Variants in NUP155 observed in about 807,000 individuals in gnomAD.
The protein encoded by NUP155 is nuclear pore complex protein Nup155.
In NUP155, 71 loss-of-function variants were observed where a neutral mutation model predicts 180.4. That is an observed-to-expected ratio of 0.39 (90% CI 0.33 to 0.48). NUP155 has a LOEUF of 0.48. Among genes scored for constraint, NUP155 ranks in the 20% least tolerant of loss-of-function variants. The pLI, the probability that NUP155 is intolerant of heterozygous loss-of-function variation, is 0.91. For missense variants in NUP155, 1,553 were observed against 1,648.9 expected (o/e 0.94, Z 1.01); for synonymous variants, 582 against 559.5 (o/e 1.04, Z -0.57).
At chr5:37,345,656 A>C (rs1746033367) in intron 9 of NUP155, among the ~76,000 whole-genome samples, 1 of 151,960 alleles carries the variant, frequency 6.6e-6, no homozygotes, top group South Asian at 2.1e-4. Flanking sequence ...TGTAATCACA[A>C]CACTTTGGGA....
At chr5:37,303,720 C>G (rs1742988287) in intron 27 of NUP155, among the ~76,000 whole-genome samples, 2 of 152,074 alleles carry the variant, frequency 1.3e-5, no homozygotes. Context: ...CCGAGGTGGG[C>G]AGATCATGTG....
chr5:37,308,483 G>A (rs532123213), intron 24 of NUP155, among the ~76,000 whole-genome samples: 7 of 152,196 alleles, frequency 4.6e-5, no homozygotes, highest in African/African-American at 1.7e-4. Context: ...TGGATCATGA[G>A]GTCAGGAGAT....
chr5:37,363,625 G>A (rs1031068994), intron 3 of NUP155, among the ~76,000 whole-genome samples: 1 of 152,076 alleles, frequency 6.6e-6, no homozygotes, highest in Non-Finnish European at 1.5e-5. Context: ...CTTGGGACCC[G>A]GGCTCCTGCC....
chr5:37,361,499 T>C (rs1747220822), intron 3 of NUP155, among the ~76,000 whole-genome samples: 2 of 152,138 alleles, frequency 1.3e-5, no homozygotes. Context: ...AATAGCTAAA[T>C]GGCAACTTAT....
At chr5:37,305,958 C>T (rs925801997) in intron 25 of NUP155, among the ~76,000 whole-genome samples, 2 of 151,920 alleles carry the variant, frequency 1.3e-5, no homozygotes. Flanking sequence ...TAAGTATATA[C>T]AAGGATTTCA....
Position 37,290,588 on chromosome 5 carries a change from A to G in NUP155, c.*1312T>C, listed in dbSNP as rs1742192578. The G allele has an allele frequency of 6.6e-6, 1 of 151,900 alleles. No homozygotes were observed. The highest frequency in any genetic ancestry group is 6.6e-5 in the Admixed American group (1 of 15,240). The allele number at this position is 151,900 out of a possible 1,614,324, so 9.4% of individuals were successfully genotyped here. A position where few individuals can be genotyped will look rare whatever the true frequency, so the allele number is the denominator to read the frequency against. Reference sequence around the variant, plus strand: ...TTGAAGCATTTGGTTTGGTTATTCTATTTTGTTAAGGAATAATTAAAAAGT... The same window carrying G: ...TTGAAGCATTTGGTTTGGTTATTCTGTTTTGTTAAGGAATAATTAAAAAGT... On this transcript the variant is annotated 3_prime_UTR_variant, in exon 35 of 35. Coordinates refer to ENST00000231498, the MANE Select transcript of NUP155 (RefSeq NM_153485.3).
intron 32 of NUP155, 91 bp from the exon 33 acceptor site, chr5:37,294,556 GA>G (rs1401369716): frequency 2.2e-5 from 28 of 1,269,338 alleles, no homozygotes; most frequent in Non-Finnish European, 2.9e-5. Flanking sequence ...TTTCTAGGGG[GA>G]TATCTTCTGA....
At chr5:37,296,797 C>T (rs1267905630) in intron 32 of NUP155, among the ~76,000 whole-genome samples, 1 of 151,986 alleles carries the variant, frequency 6.6e-6, no homozygotes, top group African/African-American at 2.4e-5. Flanking sequence ...TTTTTAATGC[C>T]CCACCCCTAG....
chr5:37,299,328 A>T, intron 31 of NUP155, 120 bp downstream of exon 31: 1 of 1,175,772 alleles, frequency 8.5e-7, no homozygotes, highest in Non-Finnish European at 1.3e-6. Flanking sequence ...CTCTCTTCTT[A>T]GGTATACACA....
intron 13 of NUP155, among the ~76,000 whole-genome samples, chr5:37,332,829 C>A (rs1042718200): frequency 6.6e-6 from 1 of 152,016 alleles, no homozygotes; most frequent in African/African-American, 2.4e-5. Context: ...TGGTGGCAAA[C>A]GCCTGTATTC....
intron 27 of NUP155, among the ~76,000 whole-genome samples, chr5:37,303,998 AGC>A (rs1743007570): frequency 6.7e-6 from 1 of 148,520 alleles, no homozygotes; most frequent in African/African-American, 2.5e-5. Flanking sequence ...CTGTAATCCC[AGC>A]ACTTCGGGAA....
chr5:37,331,438 C>T (rs1054360566), intron 14 of NUP155, among the ~76,000 whole-genome samples: 1 of 151,746 alleles, frequency 6.6e-6, no homozygotes, highest in African/African-American at 2.4e-5. Flanking sequence ...GTTGGGAGTG[C>T]TGGCACATGC....
rs1746252926 is a variant in NUP155 at position 37,348,551 on chromosome 5, A to G, written c.949T>C (p.Ser317Pro). Residue 317 changes from serine (S) to proline (P), a missense_variant, in exon 9 of 35, where the codon TCT becomes CCT. Ser to Pro is a moderately conservative substitution (Grantham distance 74). Coordinates refer to ENST00000231498, the MANE Select transcript of NUP155 (RefSeq NM_153485.3). ...GAGACAATGGCATTCTGTGACACAG[A>G]GGCAACTCTGCTCATTCCTTGTCCA... Reference protein sequence around the residue: ...QDGQGMSRVASVSQNAIVSAA... With the variant: ...QDGQGMSRVAPVSQNAIVSAA... The G allele has an allele frequency of 6.2e-7, 1 of 1,613,134 alleles. No individual in the cohort carries two copies. The highest frequency in any genetic ancestry group is 8.5e-7 in the Non-Finnish European group (1 of 1,179,058).
rs1426813043 is a variant in NUP155, at chr5:37,290,134, A to C, written c.*1766T>G. 1 of 152,206 alleles carries C rather than the reference A, an allele frequency of 6.6e-6. No homozygotes were observed. 9.4% of individuals were successfully genotyped at this position (152,206 alleles called of 1,614,324 possible). On this transcript the variant is annotated 3_prime_UTR_variant, in exon 35 of 35. Transcript: ENST00000231498. ...AAATGTATTGTACAAATTGTTAGAC[A>C]TGCATCACTTACAATAAACAGAAGG...
intron 13 of NUP155, among the ~76,000 whole-genome samples, chr5:37,332,250 A>G (rs1265309692): frequency 6.7e-6 from 1 of 148,830 alleles, no homozygotes; most frequent in Non-Finnish European, 1.5e-5. Flanking sequence ...GACTTAAAGG[A>G]CAAAATAAAA....
rs216390 is a variant in NUP155 at position 37,291,350 on chromosome 5, G to C, written c.*550C>G. 6.6e-6 allele frequency: 1 copy of C among 152,504 alleles called. No individual in the cohort carries two copies. The highest frequency in any genetic ancestry group is 2.1e-4 in the South Asian group (1 of 4,842). The allele number at this position is 152,504 out of a possible 1,614,324, so 9.4% of individuals were successfully genotyped here. ...TCTGCCTCCCGGGTTCAAGTGATTC[G>C]CCTCCCTCAGCCTCCCGAGTAGCTG... On this transcript the variant is annotated 3_prime_UTR_variant, in exon 35 of 35. Transcript: ENST00000231498.
chr5:37,339,717 T>C (rs2150974965), intron 11 of NUP155, among the ~76,000 whole-genome samples: 1 of 152,358 alleles, frequency 6.6e-6, no homozygotes, highest in African/African-American at 2.4e-5. Flanking sequence ...CAAATTGATA[T>C]ACTGATTCAG....
rs1038150934 is a variant in NUP155 at position 37,327,770 on chromosome 5, T to C, written c.1883A>G (p.Gln628Arg). Residue 628 changes from glutamine to arginine, a missense_variant, in exon 18 of 35, where the codon CAG becomes CGG. Coordinates refer to ENST00000231498, the MANE Select transcript of NUP155 (RefSeq NM_153485.3). ...CACTGGAGTTGACATGGCAGGAGGC[T>C]GTATACCTTGTACACACATAAGAAA... Reference protein sequence around the residue: ...SFLGTPSHGIQPPAMSTPVCA... With the variant: ...SFLGTPSHGIRPPAMSTPVCA... 1 of 1,614,016 alleles carries C rather than the reference T, an allele frequency of 6.2e-7. No individual in the cohort carries two copies. The highest frequency in any genetic ancestry group is 1.3e-5 in the African/African-American group (1 of 74,936).
In NUP155 at chr5:37,309,085, C is replaced by A. The variant is rs375892802; in HGVS notation, c.2767+44G>T. 2 of 1,600,768 alleles carry A rather than the reference C, an allele frequency of 1.2e-6. 1 individual carries two copies. The highest frequency in any genetic ancestry group is 2.2e-5 in the South Asian group (2 of 90,714). ...GCTTCATTCATACACTATTGTTTGT[C>A]TTTTGAGTTGAGTAAAAGATACAAG... On this transcript the variant is annotated intron_variant, in intron 24 of 34. Coordinates refer to ENST00000231498, the MANE Select transcript of NUP155 (RefSeq NM_153485.3).
Sources: gnomAD v4.1 joint callset for allele counts (sites outside exome capture counted in the v4.1 genomes callset) on GRCh38, gnomAD v4.1.1 for gene constraint, MANE v1.5 for transcripts, NCBI Gene and HGNC (gene_info 2026-07-23, HGNC 2026-07-21) for gene names.